KCNJ6: variants seen among roughly 807,000 people sequenced by gnomAD.
KCNJ6 encodes the protein potassium inwardly rectifying channel subfamily J member 6.
A neutral mutation model predicts 34.2 loss-of-function variants in KCNJ6; 9 were observed. The observed-to-expected ratio is 0.26, with a 90% CI of 0.16 to 0.46. KCNJ6 has a LOEUF of 0.46. Ranked by LOEUF, KCNJ6 falls within the 20% of genes least tolerant of loss-of-function variation. The pLI, the probability that KCNJ6 is intolerant of heterozygous loss-of-function variation, is 1.00. For missense variants in KCNJ6, 236 were observed against 531.3 expected (o/e 0.44, Z 5.46); for synonymous variants, 196 against 207.1 (o/e 0.95, Z 0.46).
intron 1 of KCNJ6, among the ~76,000 whole-genome samples, chr21:37,878,102 G>A (rs961757438): frequency 3.9e-5 from 6 of 152,092 alleles, no homozygotes; most frequent in African/African-American, 9.7e-5. Context: ...CAATCTGCAC[G>A]GTGGAAACAA....
At chr21:37,744,078 C>A (rs372730161) in intron 2 of KCNJ6, among the ~76,000 whole-genome samples, 1 of 147,360 alleles carries the variant, frequency 6.8e-6, no homozygotes, top group Non-Finnish European at 1.5e-5. Context: ...AACCAAACAC[C>A]GCATGTTCTC....
intron 2 of KCNJ6, among the ~76,000 whole-genome samples, chr21:37,734,414 A>T (rs1432790622): frequency 6.6e-6 from 1 of 152,134 alleles, no homozygotes; most frequent in Non-Finnish European, 1.5e-5. Flanking sequence ...CGGAGAGAGC[A>T]CCAGCGAGGA....
intron 3 of KCNJ6, among the ~76,000 whole-genome samples, chr21:37,655,518 G>A (rs538101395): frequency 6.6e-6 from 1 of 152,182 alleles, no homozygotes; most frequent in Admixed American, 6.5e-5. Context: ...TATATAGGCT[G>A]TGCACTTGTG....
At chr21:37,781,077 T>C (rs1207778777) in intron 2 of KCNJ6, among the ~76,000 whole-genome samples, 11 of 152,140 alleles carry the variant, frequency 7.2e-5, no homozygotes, top group East Asian at 3.9e-4. Flanking sequence ...GTCGAGTCTA[T>C]TGCACAGCAC....
In KCNJ6 at chr21:37,863,267, T is replaced by G. The variant is rs577577451; in HGVS notation, c.-27-22558A>C. ...GTTCTTAGTTTTTGAAATTCAGAGA[T>G]TGTTACGCCTGACTACTTACTGTGC... On this transcript the variant is annotated intron_variant, in intron 1 of 3. Coordinates refer to ENST00000609713, the MANE Select transcript of KCNJ6 (RefSeq NM_002240.5). Among the ~76,000 whole-genome samples, 5 of 152,322 alleles carry G rather than the reference T, an allele frequency of 3.3e-5. No homozygotes were observed. In the East Asian group the frequency reaches 9.6e-4, roughly 29 times the overall value.
chr21:37,909,032 C>T (rs1364995402), intron 1 of KCNJ6, among the ~76,000 whole-genome samples: 1 of 152,186 alleles, frequency 6.6e-6, no homozygotes, highest in Non-Finnish European at 1.5e-5. Context: ...AGGCCCGGAT[C>T]ATTAAAATCT....
chr21:37,632,726 ATAACT>A (rs1232867458), intron 3 of KCNJ6, among the ~76,000 whole-genome samples: 1 of 152,216 alleles, frequency 6.6e-6, no homozygotes, highest in African/African-American at 2.4e-5. Context: ...GGAGATTATA[ATAACT>A]TAAAAATATA....
intron 3 of KCNJ6, among the ~76,000 whole-genome samples, chr21:37,711,213 C>T (rs1290376252): frequency 1.3e-5 from 2 of 152,236 alleles, no homozygotes; most frequent in East Asian, 1.9e-4. Context: ...CACTCGCCTG[C>T]ACCGGGCCTG....
chr21:37,776,600 A>G (rs1426995285), intron 2 of KCNJ6, among the ~76,000 whole-genome samples: 1 of 152,176 alleles, frequency 6.6e-6, no homozygotes, highest in Non-Finnish European at 1.5e-5. Flanking sequence ...GCATCTATTG[A>G]GATAATCACG....
chr21:37,678,405 TG>T (rs1411107293), intron 3 of KCNJ6, among the ~76,000 whole-genome samples: 2 of 152,208 alleles, frequency 1.3e-5, no homozygotes, highest in Non-Finnish European at 2.9e-5. Flanking sequence ...GAGAAACTTC[TG>T]GGATTGTATA....
chr21:37,774,707 C>A (rs2055133823), intron 2 of KCNJ6, among the ~76,000 whole-genome samples: 1 of 152,190 alleles, frequency 6.6e-6, no homozygotes, highest in African/African-American at 2.4e-5. Context: ...GCATAGTATT[C>A]CATGGTGTAT....
rs1279595399 is a variant in KCNJ6, at chr21:37,617,204, CCTTCCTTCCTTCCTTCTTTTCTTTCTTT to C, written c.*7927_*7954del. On this transcript the variant is annotated 3_prime_UTR_variant, in exon 4 of 4. Transcript: ENST00000609713. ...TCCTTCCTTCCTTCCTTCCTTCCTT[CCTTCCTTCCTTCCTTCTTTTCTTTCTTT>C]TTTTGAGACTGAGTCTCGCTCCGTG... The C allele has an allele frequency of 7.2e-6, 1 of 138,976 alleles. No individual in the cohort carries two copies. The highest frequency in any genetic ancestry group is 2.9e-5 in the African/African-American group (1 of 35,034). 8.6% of individuals were successfully genotyped at this position (138,976 alleles called of 1,614,324 possible).
intron 3 of KCNJ6, among the ~76,000 whole-genome samples, chr21:37,630,333 T>C (rs1355838208): frequency 6.6e-6 from 1 of 152,212 alleles, no homozygotes; most frequent in Non-Finnish European, 1.5e-5. Flanking sequence ...TTTCTTATTG[T>C]ATTGTGAATG....
intron 2 of KCNJ6, among the ~76,000 whole-genome samples, chr21:37,823,017 T>G (rs4816581): frequency 0.77 from 117,511 of 152,046 alleles, 45,902 homozygotes; most frequent in East Asian, 0.97. Flanking sequence ...GCACCAGGGG[T>G]TAGCACAGAA....
chr21:37,636,389 C>A (rs1436698277), intron 3 of KCNJ6, among the ~76,000 whole-genome samples: 1 of 152,228 alleles, frequency 6.6e-6, no homozygotes, highest in Non-Finnish European at 1.5e-5. Flanking sequence ...TAAGTTATTT[C>A]TCCAAAGGGT....
At chr21:37,857,691 C>T (rs2055572097) in intron 1 of KCNJ6, among the ~76,000 whole-genome samples, 1 of 152,144 alleles carries the variant, frequency 6.6e-6, no homozygotes, top group Non-Finnish European at 1.5e-5. Flanking sequence ...CTTCCTTTCA[C>T]AAATTACTGA....
intron 2 of KCNJ6, among the ~76,000 whole-genome samples, chr21:37,738,394 A>G (rs898443271): frequency 1.3e-5 from 2 of 152,182 alleles, no homozygotes; most frequent in African/African-American, 4.8e-5. Flanking sequence ...GCCTCCCCTG[A>G]ATTATTCTTG....
chr21:37,789,838 G>A (rs1054220691), intron 2 of KCNJ6, among the ~76,000 whole-genome samples: 3 of 152,186 alleles, frequency 2.0e-5, no homozygotes, highest in African/African-American at 7.2e-5. Flanking sequence ...CTCTAGGTGA[G>A]AACTTTAGGT....
chr21:37,858,392 C>CAAAA (rs60814205), intron 1 of KCNJ6, among the ~76,000 whole-genome samples: 700 of 54,176 alleles, frequency 0.013, 4 homozygotes, highest in East Asian at 0.017. Context: ...GACTCCGTCT[C>CAAAA]AAAAAAAAAA....
Sources: allele counts gnomAD v4.1 joint callset (sites outside exome capture counted in the v4.1 genomes callset), GRCh38; gene constraint gnomAD v4.1.1; transcripts MANE v1.5; gene names NCBI Gene and HGNC (gene_info 2026-07-23, HGNC 2026-07-21).